Variants in LHFPL6 observed in about 807,000 individuals in gnomAD.
LHFPL6 encodes LHFPL tetraspan subfamily member 6, also known as LHFPL tetraspan subfamily member 6 protein.
Under a neutral mutation model 20.6 loss-of-function variants are expected in LHFPL6, and 9 were observed. The ratio of observed to expected loss-of-function variants is 0.44; its 90% CI spans 0.26 to 0.76. LHFPL6 has a LOEUF of 0.76. LHFPL6 is among the 30% of genes least tolerant of loss of function. The pLI, the probability that LHFPL6 is intolerant of heterozygous loss-of-function variation, is 0.20. For missense variants in LHFPL6, 218 were observed against 253.5 expected, an observed-to-expected ratio of 0.86 and a Z score of 0.95; for synonymous variants, 105 against 98.7, an observed-to-expected ratio of 1.06 and a Z score of -0.38.
At chr13:39,454,711 G>A (rs1039152892) in intron 2 of LHFPL6, among the ~76,000 whole-genome samples, 7 of 151,420 alleles carry the variant, frequency 4.6e-5, no homozygotes, top group Non-Finnish European at 8.8e-5. Context: ...TGGTACTTAG[G>A]TCTTTTGGTA....
At chr13:39,553,609 T>C (rs1218599435) in intron 2 of LHFPL6, among the ~76,000 whole-genome samples, 1 of 152,172 alleles carries the variant, frequency 6.6e-6, no homozygotes, top group Non-Finnish European at 1.5e-5. Context: ...TCCCAGCTAC[T>C]CAGGAAGCTG....
In LHFPL6 at chr13:39,439,571, C is replaced by T. The variant is rs527476606; in HGVS notation, c.386-61045G>A. Among the ~76,000 whole-genome samples the T allele has an allele frequency of 3.3e-5, 5 of 152,054 alleles. No homozygotes were observed. In the East Asian group the frequency reaches 9.7e-4, roughly 29 times the overall value. On this transcript the variant is annotated intron_variant, in intron 2 of 3. Transcript: ENST00000379589. ...TAATAATATGGTTTGGATCTTTGTC[C>T]CTGCCCAAATATCATGCCAAATTAT...
At position 39,554,022 on chromosome 13, in the gene LHFPL6, A is replaced by G. The variant is rs144637333; in HGVS notation, c.385+46810T>C. On this transcript the variant is annotated intron_variant, in intron 2 of 3. Transcript: ENST00000379589. ...CTATGAAATTTTGAGGTGGCTTGTTATACCTTATGAAAGGCTCATCTACCT... is the reference window on the plus strand; with the variant it reads ...CTATGAAATTTTGAGGTGGCTTGTTGTACCTTATGAAAGGCTCATCTACCT... Among the ~76,000 whole-genome samples, 62 of 152,362 alleles carry G rather than the reference A, an allele frequency of 4.1e-4. No homozygotes were observed. In the East Asian group the frequency reaches 0.01, roughly 25 times the overall value.
At chr13:39,504,247 GTAT>G (rs1470203539) in intron 2 of LHFPL6, among the ~76,000 whole-genome samples, 5 of 152,098 alleles carry the variant, frequency 3.3e-5, no homozygotes, top group African/African-American at 1.2e-4. Flanking sequence ...GGAAGGACTG[GTAT>G]TATTTCAGAT....
intron 3 of LHFPL6, among the ~76,000 whole-genome samples, chr13:39,347,399 C>T (rs975177246): frequency 2.0e-5 from 3 of 152,188 alleles, no homozygotes; most frequent in Non-Finnish European, 4.4e-5. Context: ...GGAAGCAAAC[C>T]GGGCAGGCAG....
intron 2 of LHFPL6, among the ~76,000 whole-genome samples, chr13:39,468,807 G>A (rs1872868040): frequency 6.6e-6 from 1 of 151,580 alleles, no homozygotes; most frequent in Non-Finnish European, 1.5e-5. Flanking sequence ...ACTCAATCTT[G>A]ATTTCATAGG....
At chr13:39,479,164 T>C (rs1868418480) in intron 2 of LHFPL6, among the ~76,000 whole-genome samples, 1 of 152,020 alleles carries the variant, frequency 6.6e-6, no homozygotes, top group South Asian at 2.1e-4. Context: ...TATCTGTATA[T>C]ATACAATTCT....
intron 2 of LHFPL6, among the ~76,000 whole-genome samples, chr13:39,569,658 T>G (rs1871850896): frequency 6.6e-6 from 1 of 152,230 alleles, no homozygotes; most frequent in African/African-American, 2.4e-5. Context: ...GTAAGATATT[T>G]GATGAATTAA....
intron 2 of LHFPL6, among the ~76,000 whole-genome samples, chr13:39,492,931 C>T (rs553944219): frequency 5.9e-5 from 9 of 152,106 alleles, no homozygotes; most frequent in African/African-American, 1.9e-4. Context: ...CCTCCCACCT[C>T]GGCCTCCCAA....
chr13:39,450,486 A>G (rs1331724281), intron 2 of LHFPL6, among the ~76,000 whole-genome samples: 1 of 152,138 alleles, frequency 6.6e-6, no homozygotes, highest in Non-Finnish European at 1.5e-5. Context: ...GCTTAAAACA[A>G]TATGTATGTG....
chr13:39,582,610 T>G (rs1872323275), intron 2 of LHFPL6, among the ~76,000 whole-genome samples: 1 of 152,138 alleles, frequency 6.6e-6, no homozygotes, highest in Non-Finnish European at 1.5e-5. Flanking sequence ...TGTGGGGGTG[T>G]GGTTTTAATG....
chr13:39,423,830 A>C (rs1871560021), intron 2 of LHFPL6, among the ~76,000 whole-genome samples: 1 of 152,214 alleles, frequency 6.6e-6, no homozygotes, highest in African/African-American at 2.4e-5. Context: ...TTATCAAAGC[A>C]ACATGGAATT....
chr13:39,508,721 A>G (rs1230896337), intron 2 of LHFPL6, among the ~76,000 whole-genome samples: 1 of 152,210 alleles, frequency 6.6e-6, no homozygotes, highest in African/African-American at 2.4e-5. Context: ...AATATTGTTT[A>G]TCAGTTCACC....
intron 3 of LHFPL6, among the ~76,000 whole-genome samples, chr13:39,344,541 T>A (rs1869338478): frequency 6.6e-6 from 1 of 152,226 alleles, no homozygotes; most frequent in African/African-American, 2.4e-5. Context: ...GTCAAGTGAC[T>A]TACTCTCTAC....
intron 2 of LHFPL6, among the ~76,000 whole-genome samples, chr13:39,408,588 T>C (rs558336307): frequency 5.9e-5 from 9 of 152,254 alleles, no homozygotes; most frequent in Non-Finnish European, 1.3e-4. Flanking sequence ...ATTTTCATTA[T>C]AGTGCTTTCC....
intron 2 of LHFPL6, among the ~76,000 whole-genome samples, chr13:39,389,815 A>C (rs918561532): frequency 1.3e-5 from 2 of 152,206 alleles, no homozygotes; most frequent in Non-Finnish European, 2.9e-5. Context: ...AAATTACCCA[A>C]GACAGTGCAG....
At chr13:39,376,902 C>T (rs1175906) in intron 3 of LHFPL6, among the ~76,000 whole-genome samples, 25,588 of 152,064 alleles carry the variant, frequency 0.17, 2,263 homozygotes, top group Non-Finnish European at 0.19. Context: ...AGCACCTTGA[C>T]ATTTGAGAAA....
chr13:39,379,309 GCACT>G (rs1216519548), intron 2 of LHFPL6, among the ~76,000 whole-genome samples: 18 of 152,180 alleles, frequency 1.2e-4, no homozygotes, highest in Admixed American at 1.2e-3. Flanking sequence ...CGAGATTTAA[GCACT>G]CACTATTTGA....
chr13:39,425,382 AC>A (rs1425664651), intron 2 of LHFPL6, among the ~76,000 whole-genome samples: 1 of 152,236 alleles, frequency 6.6e-6, no homozygotes, highest in Non-Finnish European at 1.5e-5. Context: ...ACATTTGTAT[AC>A]AAGTCTATGT....
Sources: gnomAD v4.1 joint callset for allele counts (sites outside exome capture counted in the v4.1 genomes callset) on GRCh38, gnomAD v4.1.1 for gene constraint, MANE v1.5 for transcripts, NCBI Gene and HGNC (gene_info 2026-07-23, HGNC 2026-07-21) for gene names.